SKAP1: variants seen among roughly 807,000 people sequenced by gnomAD.
The protein encoded by SKAP1 is src kinase-associated phosphoprotein 1.
Under a neutral mutation model 58.5 loss-of-function variants are expected in SKAP1, and 44 were observed. That is an observed-to-expected ratio of 0.75 (90% CI 0.59 to 0.97). The LOEUF is 0.97. SKAP1 is among the 50% of genes least tolerant of loss of function. The probability of loss-of-function intolerance (pLI) is 0.00; values close to 1 mark genes in which losing one functional copy is unlikely to be tolerated. For synonymous variants in SKAP1, 127 were observed against 149.7 expected (o/e 0.85, Z 1.11); for missense variants, 390 against 435.2 (o/e 0.90, Z 0.92).
intron 2 of SKAP1, among the ~76,000 whole-genome samples, chr17:48,389,069 A>C (rs549142016): frequency 6.6e-6 from 1 of 152,366 alleles, no homozygotes; most frequent in African/African-American, 2.4e-5. Flanking sequence ...TTTAATTATA[A>C]CATATCTTTT....
At chr17:48,208,173 T>C (rs2064831371) in intron 4 of SKAP1, among the ~76,000 whole-genome samples, 1 of 152,172 alleles carries the variant, frequency 6.6e-6, no homozygotes, top group Non-Finnish European at 1.5e-5. Flanking sequence ...CAACTGCATG[T>C]AATTTTTCAA....
chr17:48,429,170 T>C (rs2067885813), intron 1 of SKAP1, among the ~76,000 whole-genome samples: 1 of 152,234 alleles, frequency 6.6e-6, no homozygotes, highest in South Asian at 2.1e-4. Context: ...GCCAAAAGGC[T>C]TAATTCTGAA....
Position 48,266,498 on chromosome 17 carries a change from T to C in SKAP1, c.281-76998A>G, listed in dbSNP as rs182380500. On this transcript the variant is annotated intron_variant, in intron 4 of 12. Transcript: ENST00000336915. ...GAAATTCTGTTTTCCTTTTCTTTTT[T>C]TCTTTTCTTACTTTCTTTTTTTTTT... Among the ~76,000 whole-genome samples, 75 of 151,882 alleles carry C rather than the reference T, an allele frequency of 4.9e-4. 1 individual carries two copies. Among genetic ancestry groups the C allele is most frequent in the Admixed American group, 1.3e-3 (20 of 15,234 alleles).
chr17:48,172,990 A>G (rs2143391088), intron 9 of SKAP1, among the ~76,000 whole-genome samples: 1 of 152,288 alleles, frequency 6.6e-6, no homozygotes, highest in South Asian at 2.1e-4. Flanking sequence ...AGCATAGACA[A>G]CAGAGCAAGA....
At chr17:48,228,772 T>C (rs954700378) in intron 4 of SKAP1, among the ~76,000 whole-genome samples, 3 of 152,200 alleles carry the variant, frequency 2.0e-5, no homozygotes, top group Admixed American at 2.0e-4. Flanking sequence ...CAGTTAAGCC[T>C]TTTTGTTTAG....
At chr17:48,396,335 C>T (rs1332250908) in intron 2 of SKAP1, among the ~76,000 whole-genome samples, 2 of 152,198 alleles carry the variant, frequency 1.3e-5, no homozygotes, top group Admixed American at 1.3e-4. Context: ...TTATCTCATA[C>T]TGCCTAACAC....
intron 4 of SKAP1, among the ~76,000 whole-genome samples, chr17:48,270,859 A>G (rs1170414099): frequency 6.6e-6 from 1 of 152,066 alleles, no homozygotes; most frequent in East Asian, 1.9e-4. Context: ...GTTGTTTCCA[A>G]ATTTGCACTA....
intron 11 of SKAP1, among the ~76,000 whole-genome samples, chr17:48,160,417 G>A (rs1330515479): frequency 3.3e-5 from 5 of 151,812 alleles, no homozygotes; most frequent in Non-Finnish European, 7.4e-5. Flanking sequence ...GATCACAGGC[G>A]TAAGCCACCA....
In SKAP1 at chr17:48,180,268, A is replaced by C. The variant is rs1292596270; in HGVS notation, c.632-20T>G. The C allele has an allele frequency of 7.9e-6, 12 of 1,519,336 alleles. No homozygotes were observed. The East Asian group carries it at 2.4e-4, about 31-fold the overall frequency. 94.1% of individuals were successfully genotyped at this position (1,519,336 alleles called of 1,614,324 possible). ...TCAGATCTAACAAGGCAAAGATGAG[A>C]ATGAATCAAGAAACAGAGAAAAAGA... On this transcript the variant is annotated intron_variant, in intron 8 of 12. Transcript: ENST00000336915.
intron 4 of SKAP1, among the ~76,000 whole-genome samples, chr17:48,210,625 A>ATG (rs199542678): frequency 1.3e-5 from 2 of 151,650 alleles, no homozygotes; most frequent in South Asian, 2.1e-4. Flanking sequence ...TTGTACTCAC[A>ATG]GCAATTTTAA....
At chr17:48,299,561 T>C (rs1326552819) in intron 4 of SKAP1, among the ~76,000 whole-genome samples, 1 of 151,536 alleles carries the variant, frequency 6.6e-6, no homozygotes, top group East Asian at 1.9e-4. Context: ...TATGACAGAA[T>C]ATATATGTAT....
At chr17:48,177,366 T>G (rs1248268343) in intron 9 of SKAP1, among the ~76,000 whole-genome samples, 1 of 152,198 alleles carries the variant, frequency 6.6e-6, no homozygotes, top group Non-Finnish European at 1.5e-5. Flanking sequence ...CAGGGTTCTG[T>G]GCTAAGAACT....
At chr17:48,307,105 G>A (rs192410347) in intron 4 of SKAP1, among the ~76,000 whole-genome samples, 2 of 152,254 alleles carry the variant, frequency 1.3e-5, no homozygotes, top group East Asian at 3.9e-4. Context: ...TATTATAGTA[G>A]TAGACAAGCA....
chr17:48,357,197 C>A (rs906373182), intron 3 of SKAP1, among the ~76,000 whole-genome samples: 1 of 152,112 alleles, frequency 6.6e-6, no homozygotes, highest in African/African-American at 2.4e-5. Context: ...CCAATGATTT[C>A]TTTTACCTGC....
At chr17:48,291,720 G>A (rs1399963302) in intron 4 of SKAP1, among the ~76,000 whole-genome samples, 1 of 152,204 alleles carries the variant, frequency 6.6e-6, no homozygotes, top group African/African-American at 2.4e-5. Context: ...AGGAGTTGAT[G>A]TCTTTGTGCG....
At chr17:48,245,137 A>C (rs1268181874) in intron 4 of SKAP1, among the ~76,000 whole-genome samples, 1 of 152,146 alleles carries the variant, frequency 6.6e-6, no homozygotes, top group Non-Finnish European at 1.5e-5. Context: ...GCAGCTCCAA[A>C]ATTATAGAAT....
intron 4 of SKAP1, among the ~76,000 whole-genome samples, chr17:48,272,169 A>C (rs1052682158): frequency 5.3e-5 from 8 of 150,338 alleles, no homozygotes; most frequent in Non-Finnish European, 1.0e-4. Context: ...AGTCTCACTC[A>C]GTCACCTAGG....
At chr17:48,175,020 C>T (rs1157789819) in intron 9 of SKAP1, among the ~76,000 whole-genome samples, 1 of 152,098 alleles carries the variant, frequency 6.6e-6, no homozygotes, top group Non-Finnish European at 1.5e-5. Flanking sequence ...TCTGGAGAGT[C>T]GATTTCAATA....
intron 4 of SKAP1, among the ~76,000 whole-genome samples, chr17:48,312,467 C>T (rs1451735670): frequency 6.6e-6 from 1 of 152,168 alleles, no homozygotes; most frequent in Non-Finnish European, 1.5e-5. Flanking sequence ...GGCTGTGTCT[C>T]CTCAGCAAGG....
Sources: gnomAD v4.1 joint callset for allele counts (sites outside exome capture counted in the v4.1 genomes callset) on GRCh38, gnomAD v4.1.1 for gene constraint, MANE v1.5 for transcripts, NCBI Gene and HGNC (gene_info 2026-07-23, HGNC 2026-07-21) for gene names.